SLC9A9: variants seen among roughly 807,000 people sequenced by gnomAD.
SLC9A9 encodes the protein sodium/hydrogen exchanger 9.
A neutral mutation model predicts 77.8 loss-of-function variants in SLC9A9; 62 were observed. The ratio of observed to expected loss-of-function variants is 0.80; its 90% CI spans 0.65 to 0.98. The LOEUF (loss-of-function observed/expected upper bound fraction) is 0.98, where lower values mean the gene tolerates loss of function less well. Ranked by LOEUF, SLC9A9 falls within the 50% of genes least tolerant of loss-of-function variation. The probability of loss-of-function intolerance (pLI) is 0.00; values close to 1 mark genes in which losing one functional copy is unlikely to be tolerated. For missense variants in SLC9A9, 775 were observed against 774.9 expected, an observed-to-expected ratio of 1.00 and a Z score of 0.00; for synonymous variants, 320 against 283.5, an observed-to-expected ratio of 1.13 and a Z score of -1.29.
intron 5 of SLC9A9, among the ~76,000 whole-genome samples, chr3:143,662,809 A>G (rs1179228105): frequency 6.6e-6 from 1 of 152,060 alleles, no homozygotes; most frequent in Non-Finnish European, 1.5e-5. Context: ...GGAAGCTCGA[A>G]CTGGGTGAAG....
At chr3:143,589,651 A>T (rs2037614798) in intron 6 of SLC9A9, among the ~76,000 whole-genome samples, 1 of 152,258 alleles carries the variant, frequency 6.6e-6, no homozygotes, top group Admixed American at 6.5e-5. Flanking sequence ...AAATAGCCTA[A>T]CAAAGCATTT....
At chr3:143,389,381 G>A (rs1387523105) in intron 12 of SLC9A9, among the ~76,000 whole-genome samples, 1 of 152,190 alleles carries the variant, frequency 6.6e-6, no homozygotes, top group Non-Finnish European at 1.5e-5. Flanking sequence ...AGAGATTTCA[G>A]AGATATATAC....
intron 2 of SLC9A9, among the ~76,000 whole-genome samples, chr3:143,828,558 T>G (rs1576756496): frequency 6.6e-6 from 1 of 151,438 alleles, no homozygotes; most frequent in Non-Finnish European, 1.5e-5. Context: ...AGCACATACC[T>G]ACCCCAACAC....
intron 1 of SLC9A9, among the ~76,000 whole-genome samples, chr3:143,845,797 A>T (rs2009819140): frequency 6.6e-6 from 1 of 152,216 alleles, no homozygotes; most frequent in Non-Finnish European, 1.5e-5. Flanking sequence ...GATACTCAAA[A>T]TTTCTAGTAA....
chr3:143,345,804 T>C (rs2032252066), intron 14 of SLC9A9, among the ~76,000 whole-genome samples: 1 of 152,120 alleles, frequency 6.6e-6, no homozygotes, highest in Admixed American at 6.5e-5. Context: ...AACAAAAAGA[T>C]GATGGAATCC....
intron 4 of SLC9A9, among the ~76,000 whole-genome samples, chr3:143,784,709 T>C (rs536905415): frequency 3.3e-5 from 5 of 152,270 alleles, no homozygotes; most frequent in South Asian, 2.1e-4. Context: ...TCTGAAGATA[T>C]TTTATAGTCC....
At chr3:143,611,017 T>C (rs893159446) in intron 6 of SLC9A9, among the ~76,000 whole-genome samples, 1 of 151,796 alleles carries the variant, frequency 6.6e-6, no homozygotes, top group African/African-American at 2.4e-5. Context: ...CAATTTAAGG[T>C]GCCAAAAAAA....
intron 5 of SLC9A9, among the ~76,000 whole-genome samples, chr3:143,657,169 CA>C (rs1354404366): frequency 1.3e-5 from 2 of 152,104 alleles, no homozygotes; most frequent in Non-Finnish European, 2.9e-5. Flanking sequence ...TCCTAGAATA[CA>C]AGTGAAAAGA....
At chr3:143,274,803 A>G (rs569723701) in intron 14 of SLC9A9, among the ~76,000 whole-genome samples, 23 of 152,340 alleles carry the variant, frequency 1.5e-4, no homozygotes, top group Admixed American at 7.2e-4. Flanking sequence ...TACCATAACA[A>G]TTACCTAAAA....
chr3:143,577,049 A>C (rs747614941), intron 7 of SLC9A9, among the ~76,000 whole-genome samples: 7 of 152,074 alleles, frequency 4.6e-5, no homozygotes, highest in Admixed American at 2.0e-4. Context: ...TCATCATCAC[A>C]GTTTCCCTTG....
At chr3:143,354,734 C>T (rs961792049) in intron 14 of SLC9A9, among the ~76,000 whole-genome samples, 2 of 152,224 alleles carry the variant, frequency 1.3e-5, no homozygotes, top group African/African-American at 4.8e-5. Flanking sequence ...TAAGGTAATA[C>T]ATATGTTTTT....
intron 9 of SLC9A9, among the ~76,000 whole-genome samples, chr3:143,532,778 CT>C (rs1175024925): frequency 6.6e-6 from 1 of 152,166 alleles, no homozygotes; most frequent in African/African-American, 2.4e-5. Flanking sequence ...ACATATCTCA[CT>C]TAGATAATCA....
chr3:143,545,520 T>C (rs1167802839), intron 9 of SLC9A9, among the ~76,000 whole-genome samples: 1 of 152,228 alleles, frequency 6.6e-6, no homozygotes, highest in African/African-American at 2.4e-5. Context: ...ATGCAACTAC[T>C]GTAGTTCTTA....
intron 6 of SLC9A9, among the ~76,000 whole-genome samples, chr3:143,607,758 T>C (rs977250611): frequency 6.6e-6 from 1 of 151,748 alleles, no homozygotes; most frequent in African/African-American, 2.4e-5. Flanking sequence ...AGAAAAAGCA[T>C]TTACATTGAA....
intron 5 of SLC9A9, among the ~76,000 whole-genome samples, chr3:143,661,711 G>A (rs1010017513): frequency 3.9e-5 from 6 of 152,142 alleles, no homozygotes; most frequent in African/African-American, 1.4e-4. Context: ...TTTTAGTAGA[G>A]ACAGGGTTTC....
intron 14 of SLC9A9, among the ~76,000 whole-genome samples, chr3:143,295,705 C>T (rs2030235813): frequency 6.6e-6 from 1 of 152,178 alleles, no homozygotes; most frequent in South Asian, 2.1e-4. Context: ...CACCTACACC[C>T]TCTTGTAGGT....
chr3:143,733,937 C>T (rs748140860), intron 4 of SLC9A9, among the ~76,000 whole-genome samples: 5 of 152,078 alleles, frequency 3.3e-5, no homozygotes, highest in African/African-American at 1.2e-4. Context: ...TGGCTAATAC[C>T]TATAATCCCA....
chr3:143,564,563 C>T (rs1182062834), intron 8 of SLC9A9, among the ~76,000 whole-genome samples: 1 of 152,074 alleles, frequency 6.6e-6, no homozygotes, highest in Non-Finnish European at 1.5e-5. Context: ...TTTCCTACAA[C>T]CACTGAAAGT....
At chr3:143,822,401 C>T (rs1375252643) in intron 2 of SLC9A9, among the ~76,000 whole-genome samples, 1 of 152,206 alleles carries the variant, frequency 6.6e-6, no homozygotes, top group Admixed American at 6.5e-5. Context: ...CAACCTGGGG[C>T]AGAACTCGAT....
Sources: gnomAD v4.1 joint callset for allele counts (sites outside exome capture counted in the v4.1 genomes callset) on GRCh38, gnomAD v4.1.1 for gene constraint, MANE v1.5 for transcripts, NCBI Gene and HGNC (gene_info 2026-07-23, HGNC 2026-07-21) for gene names.